Variants in RNF6 observed in about 807,000 individuals in gnomAD.
The protein encoded by RNF6 is ring finger protein 6.
A neutral mutation model predicts 50.1 loss-of-function variants in RNF6; 21 were observed. The observed-to-expected ratio is 0.42, with a 90% CI of 0.30 to 0.60. RNF6 has a LOEUF of 0.60. RNF6 is among the 20% of genes least tolerant of loss of function. The pLI is 0.20. For missense variants in RNF6, 698 were observed against 838.2 expected, an observed-to-expected ratio of 0.83 and a Z score of 2.07; for synonymous variants, 255 against 291.8, an observed-to-expected ratio of 0.87 and a Z score of 1.29.
At chr13:26,210,096 C>G (rs1289622007), downstream of RNF6, among the ~76,000 whole-genome samples, 1 of 152,164 alleles carries the variant, frequency 6.6e-6, no homozygotes, top group African/African-American at 2.4e-5. Context: ...TCACCACTGA[C>G]AGCCATCATC....
At chr13:26,184,249 T>C (rs1175317836) in intron 5 of RNF6, among the ~76,000 whole-genome samples, 1 of 151,822 alleles carries the variant, frequency 6.6e-6, no homozygotes, top group Non-Finnish European at 1.5e-5. Flanking sequence ...GCCAGGATGG[T>C]CTCGATCTCC....
chr13:26,209,674 G>C (rs1437193239), downstream of RNF6, among the ~76,000 whole-genome samples: 2 of 152,222 alleles, frequency 1.3e-5, no homozygotes, highest in Admixed American at 1.3e-4. Context: ...TACCCACTGG[G>C]GAGAAGGTGA....
At chr13:26,189,194 G>T (rs982646153) in intron 5 of RNF6, among the ~76,000 whole-genome samples, 3 of 152,100 alleles carry the variant, frequency 2.0e-5, no homozygotes, top group Non-Finnish European at 4.4e-5. Flanking sequence ...TGGGTGTGGT[G>T]GCGGGCACCT....
At chr13:26,138,763 T>C (rs1300959211) in intron 5 of RNF6, among the ~76,000 whole-genome samples, 2 of 152,142 alleles carry the variant, frequency 1.3e-5, no homozygotes, top group Non-Finnish European at 2.9e-5. Flanking sequence ...GTTAAAGAAA[T>C]AACAAGGAAT....
At chr13:26,168,505 C>T (rs1872546828) in intron 5 of RNF6, among the ~76,000 whole-genome samples, 1 of 152,208 alleles carries the variant, frequency 6.6e-6, no homozygotes, top group South Asian at 2.1e-4. Context: ...CTCCTTTTCT[C>T]CTCCCAACTA....
chr13:26,147,775 C>T (rs1671972379), intron 5 of RNF6, among the ~76,000 whole-genome samples: 1 of 152,292 alleles, frequency 6.6e-6, no homozygotes, highest in Middle Eastern at 3.4e-3. Context: ...AGGTCTGTGG[C>T]TACAGGACAC....
In RNF6 at chr13:26,140,221, A is replaced by G. The variant is rs377614092; in HGVS notation, n.769-7770T>C. 5.3e-5 allele frequency among the ~76,000 whole-genome samples: 8 copies of G among 152,306 alleles called. No homozygotes were observed. In the East Asian group the frequency reaches 1.3e-3, roughly 26 times the overall value. On this transcript the variant is annotated intron_variant and non_coding_transcript_variant, in intron 5 of 5. Coordinates refer to the RNF6 transcript ENST00000468480. Reference sequence around the variant, plus strand: ...TTATATGCTATTTTTTCCTTTAATCAGGTGTTAAAACAAAAACTTCAGCCA... The same window carrying G: ...TTATATGCTATTTTTTCCTTTAATCGGGTGTTAAAACAAAAACTTCAGCCA...
At position 26,214,865 on chromosome 13, in the gene RNF6, T is replaced by A. The variant is rs144027888; in HGVS notation, c.1017A>T (p.Arg339Ser). The change falls in exon 5 of 5, where the codon AGA becomes AGT. Residue 339 changes from arginine (R) to serine (S), a missense_variant. Physicochemically the swap from Arg to Ser is moderately radical, Grantham distance 110 (BLOSUM62 -1). Coordinates refer to ENST00000381588, the MANE Select transcript of RNF6 (RefSeq NM_005977.4). Reference protein sequence around the residue: ...ESRPVQQTTRRSVRRRGRTRV... With the variant: ...ESRPVQQTTRSSVRRRGRTRV... ...GAGTTCTACCTCTCCTCCTAACAGA[T>A]CTTCTAGTGGTTTGCTGTACTGGTC... 3.7e-6 allele frequency: 6 copies of A among 1,614,114 alleles called. No individual in the cohort carries two copies. Among genetic ancestry groups the A allele is most frequent in the Non-Finnish European group, 5.1e-6 (6 of 1,180,060 alleles).
At chr13:26,169,793 C>T (rs1178944091) in intron 5 of RNF6, among the ~76,000 whole-genome samples, 7 of 152,158 alleles carry the variant, frequency 4.6e-5, no homozygotes, top group Non-Finnish European at 8.8e-5. Flanking sequence ...GTTTACTTTT[C>T]CTTTTGGTAA....
intron 5 of RNF6, among the ~76,000 whole-genome samples, chr13:26,158,046 A>G (rs559191379): frequency 3.3e-4 from 51 of 152,278 alleles, no homozygotes; most frequent in African/African-American, 1.2e-3. Context: ...ACGGATAGCT[A>G]GAAAGACAAA....
intron 5 of RNF6, among the ~76,000 whole-genome samples, chr13:26,137,709 G>T (rs1870726613): frequency 1.3e-5 from 2 of 149,546 alleles, no homozygotes; most frequent in Admixed American, 1.3e-4. Flanking sequence ...TAACTGAAAC[G>T]AGAAATTCAC....
chr13:26,152,621 G>T (rs1317892931), intron 5 of RNF6, among the ~76,000 whole-genome samples: 1 of 152,160 alleles, frequency 6.6e-6, no homozygotes, highest in African/African-American at 2.4e-5. Flanking sequence ...CTCTACACGT[G>T]TTTACTGAAT....
rs530827369 is a variant in RNF6 at position 26,221,255 on chromosome 13, T to C, written c.-26A>G. On this transcript the variant is annotated 5_prime_UTR_variant, in exon 2 of 5. Coordinates refer to ENST00000381588, the MANE Select transcript of RNF6 (RefSeq NM_005977.4). ...TGAAAACAAAGCGAATACCTTATTT[T>C]CCTTTCAACACGCTTTTAACATATG... The C allele has an allele frequency of 4.6e-5, 7 of 152,358 alleles. No individual in the cohort carries two copies. The highest frequency in any genetic ancestry group is 1.4e-4 in the African/African-American group (6 of 41,598). The allele number at this position is 152,358 out of a possible 1,614,324, so 9.4% of individuals were successfully genotyped here.
intron 5 of RNF6, among the ~76,000 whole-genome samples, chr13:26,145,898 C>T (rs2137568097): frequency 6.6e-6 from 1 of 152,298 alleles, no homozygotes; most frequent in East Asian, 1.9e-4. Context: ...GAGGATTTTT[C>T]CAGCTGCTTG....
rs746391805 is a variant in RNF6 at position 26,214,323 on chromosome 13, AG to A, written c.1558del (p.Leu520Ter). 6.2e-7 allele frequency: 1 copy of A among 1,614,100 alleles called. No homozygotes were observed. The highest frequency in any genetic ancestry group is 1.7e-5 in the Admixed American group (1 of 60,010). The stretch of plus-strand genomic sequence containing the variant: ...GTTGTTATCTGTACCTAAGTTACTC[AG>A]TTCTGAGTGCATGTCTGGTAAATGC... ...GQHLPDMHSE[L>X]SNLGTDNNRS... is the part of the protein sequence containing the mutation. On this transcript the variant is annotated frameshift_variant, in exon 5 of 5. Transcript: ENST00000381588. LOFTEE classifies it low-confidence loss of function (END_TRUNC).
intron 5 of RNF6, among the ~76,000 whole-genome samples, chr13:26,205,645 AAAC>A (rs903312922): frequency 1.4e-4 from 22 of 152,376 alleles, no homozygotes; most frequent in Admixed American, 3.9e-4. Flanking sequence ...GCCAAGACAC[AAAC>A]AACTCTACTA....
rs1870454873 is a variant in RNF6 at position 26,221,240 on chromosome 13, G to C, written c.-19+8C>G. 6.6e-6 allele frequency: 1 copy of C among 152,176 alleles called. No homozygotes were observed. The highest frequency in any genetic ancestry group is 1.5e-5 in the Non-Finnish European group (1 of 68,028). The allele number at this position is 152,176 out of a possible 1,614,324, so 9.4% of individuals were successfully genotyped here. A position where few individuals can be genotyped will look rare whatever the true frequency, so the allele number is the denominator to read the frequency against. On this transcript the variant is annotated splice_region_variant and intron_variant, in intron 2 of 4. Coordinates refer to ENST00000381588, the MANE Select transcript of RNF6 (RefSeq NM_005977.4). ...TACAGTTAATCACAATGAAAACAAAGCGAATACCTTATTTTCCTTTCAACA... is the reference window on the plus strand; with the variant it reads ...TACAGTTAATCACAATGAAAACAAACCGAATACCTTATTTTCCTTTCAACA...
chr13:26,168,207 TG>T (rs1205905963), intron 5 of RNF6, among the ~76,000 whole-genome samples: 7 of 152,168 alleles, frequency 4.6e-5, no homozygotes, highest in Non-Finnish European at 1.0e-4. Flanking sequence ...AATAAAAGTT[TG>T]AAAAAGAGAA....
chr13:26,145,969 T>C (rs974263569), intron 5 of RNF6, among the ~76,000 whole-genome samples: 3 of 152,172 alleles, frequency 2.0e-5, no homozygotes, highest in South Asian at 4.1e-4. Flanking sequence ...GGGCCAACTG[T>C]GAGACAGACC....
Sources: allele counts gnomAD v4.1 joint callset (sites outside exome capture counted in the v4.1 genomes callset), GRCh38; gene constraint gnomAD v4.1.1; transcripts MANE v1.5; gene names NCBI Gene and HGNC (gene_info 2026-07-23, HGNC 2026-07-21).